CHST8: variants seen among roughly 807,000 people sequenced by gnomAD.
The protein encoded by CHST8 is carbohydrate sulfotransferase 8, also known as GALNAC-4-ST1.
In CHST8, 10 loss-of-function variants were observed where a neutral mutation model predicts 15.0. The observed-to-expected ratio is 0.67, with a 90% CI of 0.41 to 1.13. The LOEUF (loss-of-function observed/expected upper bound fraction) is 1.13, where lower values mean the gene tolerates loss of function less well. Ranked by LOEUF, CHST8 falls within the 50% of genes most tolerant of loss-of-function variation. The pLI is 0.00. For missense variants in CHST8, 634 were observed against 608.2 expected (o/e 1.04, Z -0.45); for synonymous variants, 259 against 256.6 (o/e 1.01, Z -0.09).
chr19:33,755,653 A>G (rs1599626637), intron 3 of CHST8, among the ~76,000 whole-genome samples: 1 of 152,334 alleles, frequency 6.6e-6, no homozygotes, highest in Admixed American at 6.5e-5. Context: ...CCCAAAACAC[A>G]TGCCCGGTGC....
intron 1 of CHST8, among the ~76,000 whole-genome samples, chr19:33,632,435 G>T (rs1215122862): frequency 2.0e-5 from 3 of 151,842 alleles, no homozygotes; most frequent in Non-Finnish European, 4.4e-5. Flanking sequence ...GATTACAGGT[G>T]TGAGCTGCCA....
At chr19:33,640,519 TTA>T (rs2145446579) in intron 1 of CHST8, among the ~76,000 whole-genome samples, 1 of 152,348 alleles carries the variant, frequency 6.6e-6, no homozygotes, top group South Asian at 2.1e-4. Flanking sequence ...TGGATGTCTT[TTA>T]TGTTTTTAAT....
intron 1 of CHST8, among the ~76,000 whole-genome samples, chr19:33,637,278 A>G (rs1424185382): frequency 6.6e-6 from 1 of 152,150 alleles, no homozygotes; most frequent in Non-Finnish European, 1.5e-5. Context: ...CCATCTGGGA[A>G]TGCAGCCCAG....
intron 3 of CHST8, among the ~76,000 whole-genome samples, chr19:33,695,630 C>A (rs1231824053): frequency 6.6e-6 from 1 of 152,010 alleles, no homozygotes; most frequent in Non-Finnish European, 1.5e-5. Flanking sequence ...TAGGTCCCCA[C>A]AGCTTAGCTC....
intron 3 of CHST8, among the ~76,000 whole-genome samples, chr19:33,755,044 G>A (rs1974519353): frequency 6.6e-6 from 1 of 152,194 alleles, no homozygotes; most frequent in Non-Finnish European, 1.5e-5. Flanking sequence ...TGCGGATGCA[G>A]CAGAGCTAAA....
At chr19:33,641,755 A>C (rs1462386167) in intron 1 of CHST8, among the ~76,000 whole-genome samples, 1 of 49,852 alleles carries the variant, frequency 2.0e-5, no homozygotes. Context: ...GTGTGTGGGG[A>C]GGGGGGACCT....
chr19:33,648,996 C>G (rs1394619899), intron 1 of CHST8, among the ~76,000 whole-genome samples: 1 of 151,278 alleles, frequency 6.6e-6, no homozygotes, highest in East Asian at 1.9e-4. Flanking sequence ...CTCCACCCCC[C>G]AGGTTCACAC....
chr19:33,721,863 G>A (rs1300726765), intron 3 of CHST8, among the ~76,000 whole-genome samples: 1 of 149,754 alleles, frequency 6.7e-6, no homozygotes, highest in East Asian at 2.0e-4. Context: ...ATGGATGGAT[G>A]GACAGATGGA....
intron 3 of CHST8, among the ~76,000 whole-genome samples, chr19:33,699,770 C>T (rs1973295791): frequency 6.6e-6 from 1 of 152,170 alleles, no homozygotes; most frequent in Non-Finnish European, 1.5e-5. Context: ...ACACACTGCC[C>T]TGCCTGTGCC....
intron 1 of CHST8, among the ~76,000 whole-genome samples, chr19:33,635,646 A>G (rs1459621632): frequency 6.6e-6 from 1 of 152,104 alleles, no homozygotes; most frequent in African/African-American, 2.4e-5. Context: ...ACTCAGCATG[A>G]GCTCCGTCCC....
chr19:33,748,452 C>T (rs1292601101), intron 3 of CHST8, among the ~76,000 whole-genome samples: 2 of 152,234 alleles, frequency 1.3e-5, no homozygotes, highest in Admixed American at 6.5e-5. Flanking sequence ...GGCTCATGGC[C>T]GTGTCGCCCC....
intron 1 of CHST8, among the ~76,000 whole-genome samples, chr19:33,633,992 G>T (rs1369388456): frequency 6.6e-6 from 1 of 151,460 alleles, no homozygotes; most frequent in Non-Finnish European, 1.5e-5. Context: ...TTTTGTTTTG[G>T]TATTTTTTGT....
intron 1 of CHST8, among the ~76,000 whole-genome samples, chr19:33,635,738 G>A (rs1972187013): frequency 6.6e-6 from 1 of 152,186 alleles, no homozygotes; most frequent in Non-Finnish European, 1.5e-5. Context: ...AAGGGCATAA[G>A]GCGATGGTCA....
At chr19:33,758,963 G>C (rs1331457681) in intron 3 of CHST8, among the ~76,000 whole-genome samples, 1 of 152,034 alleles carries the variant, frequency 6.6e-6, no homozygotes, top group South Asian at 2.1e-4. Flanking sequence ...TCATGGCAGC[G>C]GGCAAGCGGG....
At chr19:33,722,344 TGGACAGACTGATGGATGGACGGAC>T (rs1973815979) in intron 3 of CHST8, among the ~76,000 whole-genome samples, 1 of 151,854 alleles carries the variant, frequency 6.6e-6, no homozygotes, top group African/African-American at 2.4e-5. Flanking sequence ...GATGGATGGG[TGGACAGACTGATGGATGGACGGAC>T]GGACAGACGG....
At chr19:33,733,014 T>A (rs1235328481) in intron 3 of CHST8, among the ~76,000 whole-genome samples, 2 of 152,134 alleles carry the variant, frequency 1.3e-5, no homozygotes, top group Non-Finnish European at 2.9e-5. Flanking sequence ...CAATGATTGA[T>A]GATTGATTGG....
chr19:33,650,525 T>C (rs1365426880), intron 1 of CHST8, among the ~76,000 whole-genome samples: 14 of 108,412 alleles, frequency 1.3e-4, no homozygotes, highest in Non-Finnish European at 1.1e-4. Flanking sequence ...TTTCTTTTTT[T>C]TTTTTTTTTT....
In CHST8 at chr19:33,773,164, C is replaced by CCTCACGTCCTCAGAGCCCTGT; in HGVS notation, c.*101_*102insCTCACGTCCTCAGAGCCCTGT. 1 of 1,335,602 alleles carries CCTCACGTCCTCAGAGCCCTGT rather than the reference C, an allele frequency of 7.5e-7. No homozygotes were observed. The highest frequency in any genetic ancestry group is 1.0e-6 in the Non-Finnish European group (1 of 1,000,432). The allele number at this position is 1,335,602 out of a possible 1,614,324, so 82.7% of individuals were successfully genotyped here. A position where few individuals can be genotyped will look rare whatever the true frequency, so the allele number is the denominator to read the frequency against. On this transcript the variant is annotated 3_prime_UTR_variant, in exon 5 of 5. Coordinates refer to ENST00000650847, the MANE Select transcript of CHST8 (RefSeq NM_001127895.2). ...TCCTCATCCTGGGAGCAACAGGGCT[C>CCTCACGTCCTCAGAGCCCTGT]TGAGGACGTGAGGAGCCATCGCTGT...
chr19:33,736,504 G>A (rs1380878593), intron 3 of CHST8, among the ~76,000 whole-genome samples: 1 of 152,124 alleles, frequency 6.6e-6, no homozygotes, highest in African/African-American at 2.4e-5. Flanking sequence ...CCCTTCCGAG[G>A]CACTCTCTGG....
Sources: gnomAD v4.1 joint callset for allele counts (sites outside exome capture counted in the v4.1 genomes callset) on GRCh38, gnomAD v4.1.1 for gene constraint, MANE v1.5 for transcripts, NCBI Gene and HGNC (gene_info 2026-07-23, HGNC 2026-07-21) for gene names.